FRMD4B: variants seen among roughly 807,000 people sequenced by gnomAD.
FRMD4B encodes the protein FERM domain-containing protein 4B.
In FRMD4B, 74 loss-of-function variants were observed where a neutral mutation model predicts 141.5. The ratio of observed to expected loss-of-function variants is 0.52; its 90% CI spans 0.43 to 0.63. The LOEUF is 0.63. FRMD4B is among the 30% of genes least tolerant of loss of function. The pLI, the probability that FRMD4B is intolerant of heterozygous loss-of-function variation, is 0.00. For synonymous variants in FRMD4B, 506 were observed against 467.9 expected (o/e 1.08, Z -1.05); for missense variants, 1,366 against 1,253.4 (o/e 1.09, Z -1.36).
intron 22 of FRMD4B, among the ~76,000 whole-genome samples, chr3:69,175,189 T>C (rs1185620801): frequency 6.6e-6 from 1 of 152,210 alleles, no homozygotes; most frequent in African/African-American, 2.4e-5. Context: ...AGTTGTAGTC[T>C]GTATAACTTA....
rs767608068 is a variant in FRMD4B at position 69,410,726 on chromosome 3, AATATAT to A, written c.-1+21902_-1+21907del. ...AAATATATAAATAAATAAATAAATA[AATATAT>A]ATATATATATATATATATATATATA... On this transcript the variant is annotated intron_variant, in intron 2 of 5. Transcript: ENST00000459638. 5.1e-3 allele frequency among the ~76,000 whole-genome samples: 438 copies of A among 86,012 alleles called. 1 individual carries two copies. Among genetic ancestry groups the A allele is most frequent in the Non-Finnish European group, 6.7e-3 (274 of 40,980 alleles). 56.4% of individuals were successfully genotyped at this position (86,012 alleles called of 152,430 possible).
At position 69,536,237 on chromosome 3, in the gene FRMD4B, T is replaced by C. The variant is rs530110175; in HGVS notation, c.-129+5969A>G. On this transcript the variant is annotated intron_variant, in intron 1 of 5. Transcript: ENST00000459638. ...GGCCTCACTTGGTTTCTTGGCGTCC[T>C]TCCCCTTGGCCTTTTCCGCTCTCCT... The C allele has an allele frequency of 1.5e-5, 9 of 605,476 alleles. 1 individual carries two copies. The highest frequency in any genetic ancestry group is 1.3e-4 in the African/African-American group (7 of 53,856). The allele number at this position is 605,476 out of a possible 1,614,324, so 37.5% of individuals were successfully genotyped here. A position where few individuals can be genotyped will look rare whatever the true frequency, so the allele number is the denominator to read the frequency against.
chr3:69,349,809 A>C (rs138512063), intron 1 of FRMD4B, among the ~76,000 whole-genome samples: 5,106 of 152,298 alleles, frequency 0.034, 142 homozygotes, highest in African/African-American at 0.079. Flanking sequence ...CTTACACCTT[A>C]CACAAAAATT....
intron 2 of FRMD4B, among the ~76,000 whole-genome samples, chr3:69,429,917 G>A (rs1705149387): frequency 6.6e-6 from 1 of 151,882 alleles, no homozygotes; most frequent in South Asian, 2.1e-4. Context: ...GCACCACCAC[G>A]TCTGGCTAAT....
At chr3:69,241,871 AAAAAC>A (rs36221855) in intron 7 of FRMD4B, among the ~76,000 whole-genome samples, 3 of 151,770 alleles carry the variant, frequency 2.0e-5, no homozygotes, top group Admixed American at 6.6e-5. Context: ...TCCATCTCAA[AAAAAC>A]AAAACAAAAC....
chr3:69,515,306 G>A (rs537478488), intron 1 of FRMD4B, among the ~76,000 whole-genome samples: 1 of 152,252 alleles, frequency 6.6e-6, no homozygotes, highest in African/African-American at 2.4e-5. Context: ...CTCCTACGTC[G>A]GGGATTACAA....
intron 1 of FRMD4B, among the ~76,000 whole-genome samples, chr3:69,338,390 G>A (rs1702625517): frequency 6.6e-6 from 1 of 151,986 alleles, no homozygotes; most frequent in South Asian, 2.1e-4. Flanking sequence ...ACACCAACAT[G>A]GCACATGTAT....
At chr3:69,184,466 T>C (rs1401636562) in intron 19 of FRMD4B, among the ~76,000 whole-genome samples, 2 of 152,222 alleles carry the variant, frequency 1.3e-5, no homozygotes, top group Non-Finnish European at 2.9e-5. Flanking sequence ...GGATTTACCA[T>C]AATTTATTTA....
chr3:69,455,024 A>G (rs569913054), intron 1 of FRMD4B, among the ~76,000 whole-genome samples: 38 of 152,308 alleles, frequency 2.5e-4, no homozygotes, highest in Non-Finnish European at 4.9e-4. Context: ...TCTGGTGGGG[A>G]CTTGGAGAAC....
chr3:69,212,359 C>CAAAAAAAAAAAAAAAAAA (rs869309749), intron 11 of FRMD4B, among the ~76,000 whole-genome samples: 18 of 25,324 alleles, frequency 7.1e-4, no homozygotes, highest in African/African-American at 1.1e-3. Context: ...AACCCCGTCT[C>CAAAAAAAAAAAAAAAAAA]AAAAAAAAAA....
intron 7 of FRMD4B, chr3:69,228,422 AC>A (rs2093274938): frequency 1.3e-5 from 6 of 456,844 alleles, no homozygotes; most frequent in Non-Finnish European, 2.2e-5. Flanking sequence ...TCACCATCAG[AC>A]CTGGGGACAC....
chr3:69,318,256 T>G (rs1425227321), intron 1 of FRMD4B, among the ~76,000 whole-genome samples: 1 of 152,174 alleles, frequency 6.6e-6, no homozygotes, highest in Non-Finnish European at 1.5e-5. Context: ...ATTATAGATG[T>G]GAGCGATAGT....
rs1167696211 is a variant in FRMD4B at position 69,379,398 on chromosome 3, C to T, written c.162+6430G>A. ...GGTTCAAGCGTTCCTCCTGCCTCAA[C>T]CACCTAAGTAGCTGGGGCTACAGGC... On this transcript the variant is annotated intron_variant, in intron 1 of 22. Transcript: ENST00000398540. Among the ~76,000 whole-genome samples the T allele has an allele frequency of 2.6e-5, 4 of 152,186 alleles. 1 individual carries two copies. In the East Asian group the frequency reaches 7.7e-4, roughly 29 times the overall value.
At chr3:69,188,626 G>A (rs995883429) in intron 18 of FRMD4B, among the ~76,000 whole-genome samples, 17 of 151,550 alleles carry the variant, frequency 1.1e-4, no homozygotes, top group Admixed American at 2.0e-4. Context: ...GCGCGGTGGC[G>A]GGCGCCTGTA....
chr3:69,430,639 C>T (rs1227876362), intron 2 of FRMD4B, among the ~76,000 whole-genome samples: 1 of 152,126 alleles, frequency 6.6e-6, no homozygotes, highest in East Asian at 1.9e-4. Context: ...AACTTATACA[C>T]CAGGAGAGAA....
intron 5 of FRMD4B, among the ~76,000 whole-genome samples, chr3:69,279,494 C>G (rs900866311): frequency 6.6e-6 from 1 of 152,110 alleles, no homozygotes; most frequent in African/African-American, 2.4e-5. Context: ...GGGTCTTGCT[C>G]TGTTGTCCAG....
At chr3:69,415,290 C>A (rs1470242577) in intron 2 of FRMD4B, among the ~76,000 whole-genome samples, 1 of 152,188 alleles carries the variant, frequency 6.6e-6, no homozygotes, top group African/African-American at 2.4e-5. Flanking sequence ...CCCATACTGA[C>A]TTCTCAAGGC....
chr3:69,267,587 GTGTGTGTGTATATATATATATATA>G (rs1170573644), intron 5 of FRMD4B, among the ~76,000 whole-genome samples: 948 of 53,278 alleles, frequency 0.018, 29 homozygotes, highest in Admixed American at 0.07. Flanking sequence ...ATGTGTGTGT[GTGTGTGTGTATATATATATATATA>G]TATATATATA....
intron 1 of FRMD4B, among the ~76,000 whole-genome samples, chr3:69,348,148 G>A (rs1244380635): frequency 6.6e-6 from 1 of 152,106 alleles, no homozygotes; most frequent in Non-Finnish European, 1.5e-5. Context: ...TGATAAAGGG[G>A]ATATCACCAT....
Sources: allele counts gnomAD v4.1 joint callset (sites outside exome capture counted in the v4.1 genomes callset), GRCh38; gene constraint gnomAD v4.1.1; transcripts MANE v1.5; gene names NCBI Gene and HGNC (gene_info 2026-07-23, HGNC 2026-07-21).